Variants in SYNCRIP observed in about 807,000 individuals in gnomAD.
SYNCRIP encodes the protein synaptotagmin binding cytoplasmic RNA interacting protein.
Under a neutral mutation model 68.9 loss-of-function variants are expected in SYNCRIP, and 9 were observed. The observed-to-expected ratio is 0.13, with a 90% CI of 0.08 to 0.23. The LOEUF is 0.23. Ranked by LOEUF, SYNCRIP falls within the 10% of genes least tolerant of loss-of-function variation. The probability of loss-of-function intolerance (pLI) is 1.00; values close to 1 mark genes in which losing one functional copy is unlikely to be tolerated. For synonymous variants in SYNCRIP, 258 were observed against 254.0 expected, an observed-to-expected ratio of 1.02 and a Z score of -0.15; for missense variants, 414 against 770.6, an observed-to-expected ratio of 0.54 and a Z score of 5.48.
rs1396382868 is a variant in SYNCRIP, at chr6:85,618,910, C to A, written c.1188G>T (p.Leu396Phe). 1 of 1,612,468 alleles carries A rather than the reference C, an allele frequency of 6.2e-7. No homozygotes were observed. Among genetic ancestry groups the A allele is most frequent in the African/African-American group, 1.3e-5 (1 of 74,946 alleles). Residue 396 changes from leucine (L) to phenylalanine (F), a missense_variant, in exon 10 of 11, where the codon TTG (leucine) becomes TTT (phenylalanine). Around this residue, in one of 6 missense-constraint regions of SYNCRIP, gnomAD observed 51 missense variants for 151.1 expected, o/e 0.34. Coordinates refer to ENST00000369622, the MANE Select transcript of SYNCRIP (RefSeq NM_006372.5). ...KAMEEMNGKD[L>F]EGENIEIVFA... Reference sequence around the variant, plus strand: ...AAACAATTTCAATATTTTCTCCCTCCAAGTCTTTGCCATTCATTTCTTCCA... The same window carrying A: ...AAACAATTTCAATATTTTCTCCCTCAAAGTCTTTGCCATTCATTTCTTCCA...
chr6:85,622,422 C>G (rs1806523533), intron 8 of SYNCRIP, 60 bp downstream of exon 8: 3 of 1,479,648 alleles, frequency 2.0e-6, no homozygotes, highest in Admixed American at 3.4e-5. Context: ...CCCCCCACCC[C>G]AACCCCGGCC....
At position 85,636,943 on chromosome 6, in the gene SYNCRIP, G is replaced by A. The variant is rs200866375; in HGVS notation, c.666+24C>T. 1.2e-5 allele frequency: 18 copies of A among 1,565,198 alleles called. No individual in the cohort carries two copies. The South Asian group carries it at 1.3e-4, about 12-fold the overall frequency. On this transcript the variant is annotated intron_variant, in intron 6 of 10. Transcript: ENST00000369622. ...ATTAAAGACAGTGAACGTGAAAACTGAAGGGGAAAAAAGGACAACTTACCA... is the reference window on the plus strand; with the variant it reads ...ATTAAAGACAGTGAACGTGAAAACTAAAGGGGAAAAAAGGACAACTTACCA...
downstream of SYNCRIP, chr6:85,607,799 T>A (rs1299580246): frequency 6.6e-6 from 1 of 152,022 alleles, no homozygotes; most frequent in Non-Finnish European, 1.5e-5. Flanking sequence ...TCCAAAATGG[T>A]TTATTAGGAC....
chr6:85,638,354 C>G (rs1808711195), intron 4 of SYNCRIP, among the ~76,000 whole-genome samples: 1 of 126,242 alleles, frequency 7.9e-6, no homozygotes, highest in Non-Finnish European at 1.6e-5. Flanking sequence ...GCACTCCAGC[C>G]TGGATGACAG....
downstream of SYNCRIP, chr6:85,613,056 C>T (rs1008620110): frequency 1.9e-6 from 2 of 1,031,758 alleles, no homozygotes; most frequent in South Asian, 2.5e-5. Context: ...AAAAAAGTTG[C>T]CTTTAATAAC....
At chr6:85,616,050 AAC>A (rs1805731734) in intron 10 of SYNCRIP, among the ~76,000 whole-genome samples, 1 of 152,226 alleles carries the variant, frequency 6.6e-6, no homozygotes, top group East Asian at 1.9e-4. Context: ...ACTACACCGT[AAC>A]TATAGTGCTG....
chr6:85,608,858 AGAATTT>A (rs1805023358), exon 12 of SYNCRIP: 1 of 152,042 alleles, frequency 6.6e-6, no homozygotes, highest in African/African-American at 2.4e-5. Context: ...TGGTGCTAAT[AGAATTT>A]AAGTCTTAAA....
chr6:85,636,627 G>A (rs1808483870), intron 6 of SYNCRIP, among the ~76,000 whole-genome samples: 1 of 152,084 alleles, frequency 6.6e-6, no homozygotes, highest in Non-Finnish European at 1.5e-5. Context: ...AGATGGCTCA[G>A]GTATGGCCAG....
chr6:85,641,831 G>A (rs1325729343), intron 1 of SYNCRIP, among the ~76,000 whole-genome samples: 1 of 152,130 alleles, frequency 6.6e-6, no homozygotes. Flanking sequence ...AACCCCCAAA[G>A]TGCGCGCTTT....
chr6:85,619,197 A>C (rs957651325), intron 9 of SYNCRIP, 71 bp downstream of exon 9: 1 of 1,576,704 alleles, frequency 6.3e-7, no homozygotes, highest in Non-Finnish European at 8.6e-7. Context: ...AATTTGTAAA[A>C]CTATTTTGAG....
intron 10 of SYNCRIP, among the ~76,000 whole-genome samples, chr6:85,616,450 C>T (rs754127690): frequency 1.3e-5 from 2 of 152,136 alleles, no homozygotes; most frequent in Non-Finnish European, 2.9e-5. Flanking sequence ...CACAGCCTCT[C>T]GAGTAGCTGG....
In SYNCRIP at chr6:85,623,639, A is replaced by T. The variant is rs1806708989; in HGVS notation, c.802+338T>A. ...GTAATTTCAAGAACATCAAATCATTATTCAAACAATTCTACTAAGAACATC... is the reference window on the plus strand; with the variant it reads ...GTAATTTCAAGAACATCAAATCATTTTTCAAACAATTCTACTAAGAACATC... On this transcript the variant is annotated intron_variant, in intron 7 of 10. Coordinates refer to ENST00000369622, the MANE Select transcript of SYNCRIP (RefSeq NM_006372.5). Among the ~76,000 whole-genome samples the T allele has an allele frequency of 2.0e-5, 3 of 150,790 alleles. No individual in the cohort carries two copies. In the South Asian group the frequency reaches 6.3e-4, roughly 32 times the overall value.
At chr6:85,641,710 T>A (rs563807888) in intron 1 of SYNCRIP, among the ~76,000 whole-genome samples, 1 of 151,976 alleles carries the variant, frequency 6.6e-6, no homozygotes, top group African/African-American at 2.4e-5. Context: ...ATATTACAAA[T>A]AGAGCCCAAT....
downstream of SYNCRIP, chr6:85,612,484 A>G: frequency 6.3e-6 from 1 of 159,860 alleles, no homozygotes; most frequent in Admixed American, 6.3e-5. Context: ...ACTGCAATAA[A>G]ATTTAAATGC....
downstream of SYNCRIP, chr6:85,611,228 C>T (rs764310796): frequency 2.0e-5 from 3 of 151,886 alleles, no homozygotes; most frequent in Admixed American, 6.6e-5. Flanking sequence ...GTTTTTAAAC[C>T]AGAAGATTTC....
intron 6 of SYNCRIP, among the ~76,000 whole-genome samples, chr6:85,631,391 G>C (rs1041083036): frequency 6.0e-5 from 9 of 149,698 alleles, no homozygotes; most frequent in African/African-American, 2.2e-4. Flanking sequence ...ATGGCTAAAA[G>C]GGTAATTAAA....
At chr6:85,625,291 A>C (rs925533541) in intron 6 of SYNCRIP, among the ~76,000 whole-genome samples, 1 of 152,108 alleles carries the variant, frequency 6.6e-6, no homozygotes, top group Non-Finnish European at 1.5e-5. Flanking sequence ...TGCCAGAGAC[A>C]CAACATTAAA....
chr6:85,624,165 A>G, intron 6 of SYNCRIP, 53 bp from the exon 7 acceptor site: 2 of 1,531,986 alleles, frequency 1.3e-6, no homozygotes, highest in Non-Finnish European at 8.9e-7. Flanking sequence ...CAACTAGAAC[A>G]GTTAATTATA....
At chr6:85,616,453 G>A (rs1805782050) in intron 10 of SYNCRIP, among the ~76,000 whole-genome samples, 2 of 152,136 alleles carry the variant, frequency 1.3e-5, no homozygotes, top group Non-Finnish European at 2.9e-5. Flanking sequence ...AGCCTCTCGA[G>A]TAGCTGGGAC....
Sources: allele counts gnomAD v4.1 joint callset (sites outside exome capture counted in the v4.1 genomes callset), GRCh38; gene constraint gnomAD v4.1.1; regional missense constraint gnomAD v4.1.1; transcripts MANE v1.5; gene names NCBI Gene and HGNC (gene_info 2026-07-23, HGNC 2026-07-21).